MTHFD1L: variants seen among roughly 807,000 people sequenced by gnomAD.
The protein encoded by MTHFD1L is methylenetetrahydrofolate dehydrogenase (NADP+ dependent) 1 like.
MTHFD1L carries 81 observed loss-of-function variants against 119.5 expected under a neutral mutation model. The ratio of observed to expected loss-of-function variants is 0.68; its 90% CI spans 0.57 to 0.82. MTHFD1L has a LOEUF of 0.82. Ranked by LOEUF, MTHFD1L falls within the 40% of genes least tolerant of loss-of-function variation. MTHFD1L has a pLI of 0.00. For synonymous variants in MTHFD1L, 430 were observed against 475.2 expected (o/e 0.90, Z 1.24); for missense variants, 1,125 against 1,253.4 (o/e 0.90, Z 1.55).
At chr6:151,013,725 G>T in intron 21 of MTHFD1L, 54 bp from the exon 22 acceptor site, 1 of 1,467,008 alleles carries the variant, frequency 6.8e-7, no homozygotes. Flanking sequence ...TTTCAGATCG[G>T]TTGTGTAAGC....
In MTHFD1L at chr6:150,923,969, A is replaced by G. The variant is rs377453993; in HGVS notation, c.1082+1667A>G. 1.1e-4 allele frequency among the ~76,000 whole-genome samples: 16 copies of G among 152,310 alleles called. 1 individual carries two copies. In the East Asian group the frequency reaches 1.2e-3, roughly 11 times the overall value. ...ATAAGACCTTAGATTTTAAAAGTAA[A>G]TCAATAATTTCTACTTACAAAGTGC... On this transcript the variant is annotated intron_variant, in intron 10 of 27. Transcript: ENST00000367321.
intron 8 of MTHFD1L, among the ~76,000 whole-genome samples, chr6:150,917,463 C>G (rs1197825089): frequency 6.6e-6 from 1 of 151,738 alleles, no homozygotes; most frequent in Non-Finnish European, 1.5e-5. Context: ...GCACTCCAGC[C>G]TGGGTGACAG....
intron 20 of MTHFD1L, among the ~76,000 whole-genome samples, chr6:150,984,662 A>C (rs1249493016): frequency 6.6e-6 from 1 of 152,132 alleles, no homozygotes; most frequent in Non-Finnish European, 1.5e-5. Flanking sequence ...ACGTTTTTGA[A>C]CTTACACATA....
At chr6:150,903,203 ATTT>A (rs774695918) in intron 7 of MTHFD1L, among the ~76,000 whole-genome samples, 11 of 85,476 alleles carry the variant, frequency 1.3e-4, no homozygotes, top group African/African-American at 5.0e-4. Flanking sequence ...TGGCTGCAAA[ATTT>A]TTTTTTTTTT....
At chr6:150,889,070 G>A (rs1583395782) in intron 7 of MTHFD1L, among the ~76,000 whole-genome samples, 3 of 152,044 alleles carry the variant, frequency 2.0e-5, no homozygotes, top group South Asian at 2.1e-4. Context: ...CCAGCTACTC[G>A]GGAAGCTGAG....
intron 26 of MTHFD1L, among the ~76,000 whole-genome samples, chr6:151,055,530 T>G (rs9478931): frequency 0.37 from 55,942 of 150,430 alleles, 10,848 homozygotes; most frequent in East Asian, 0.56. Context: ...TCTTTTTTTT[T>G]TTTTTTTGTT....
intron 7 of MTHFD1L, among the ~76,000 whole-genome samples, chr6:150,891,049 G>A (rs1052382959): frequency 2.6e-5 from 4 of 152,160 alleles, no homozygotes; most frequent in Non-Finnish European, 4.4e-5. Context: ...GCAGTGGCGC[G>A]AACTCGGCTC....
In MTHFD1L at chr6:150,907,149, C is replaced by T. The variant is rs117012543; in HGVS notation, c.892+1388C>T. ...GCTGCTTTGCTGTAATATTTACTTG[C>T]TGTGTTTTATTAAAGTTTTCATGTA... On this transcript the variant is annotated intron_variant, in intron 8 of 27. Coordinates refer to ENST00000367321, the MANE Select transcript of MTHFD1L (RefSeq NM_015440.5). Among the ~76,000 whole-genome samples, 926 of 152,024 alleles carry T rather than the reference C, an allele frequency of 6.1e-3. 2 individuals carry two copies. The highest frequency in any genetic ancestry group is 9.8e-3 in the Non-Finnish European group (667 of 67,958).
intron 13 of MTHFD1L, among the ~76,000 whole-genome samples, chr6:150,939,702 T>TTTTTTTTTTG (rs1792751088): frequency 6.7e-6 from 1 of 149,020 alleles, no homozygotes. Flanking sequence ...TTTTTTTTTT[T>TTTTTTTTTTG]GAGACAGAGT....
chr6:151,069,956 T>C (rs1393335941), intron 26 of MTHFD1L, among the ~76,000 whole-genome samples: 3 of 152,212 alleles, frequency 2.0e-5, no homozygotes, highest in Non-Finnish European at 2.9e-5. Flanking sequence ...GCTGCTTTTA[T>C]GTTGACGCAG....
chr6:150,909,218 A>G (rs974822482), intron 8 of MTHFD1L, among the ~76,000 whole-genome samples: 5 of 152,068 alleles, frequency 3.3e-5, no homozygotes, highest in African/African-American at 9.7e-5. Context: ...AGATTTTAAA[A>G]CAAGGAAATT....
At chr6:151,051,466 G>A (rs1379439502) in intron 26 of MTHFD1L, among the ~76,000 whole-genome samples, 2 of 152,188 alleles carry the variant, frequency 1.3e-5, no homozygotes, top group African/African-American at 4.8e-5. Context: ...AGCATAGTCA[G>A]GGATAAGAGG....
chr6:151,030,643 T>G (rs1785219196), intron 24 of MTHFD1L, among the ~76,000 whole-genome samples: 1 of 152,252 alleles, frequency 6.6e-6, no homozygotes, highest in South Asian at 2.1e-4. Context: ...TCTTCTGCGC[T>G]GTTGCCTGCA....
intron 20 of MTHFD1L, among the ~76,000 whole-genome samples, chr6:151,009,073 G>A (rs1781828081): frequency 6.9e-6 from 1 of 144,476 alleles, no homozygotes; most frequent in Non-Finnish European, 1.5e-5. Flanking sequence ...AGTGAGCTGA[G>A]ATTGTGCCAT....
At chr6:150,933,029 G>A (rs895274624) in intron 11 of MTHFD1L, among the ~76,000 whole-genome samples, 6 of 152,140 alleles carry the variant, frequency 3.9e-5, no homozygotes, top group African/African-American at 1.4e-4. Flanking sequence ...ATACAGGAAG[G>A]AGGTGAAATA....
chr6:151,064,459 G>T (rs1791000149), intron 26 of MTHFD1L, among the ~76,000 whole-genome samples: 1 of 151,962 alleles, frequency 6.6e-6, no homozygotes, highest in African/African-American at 2.4e-5. Context: ...GATTACAGGT[G>T]CCTGCCACTG....
At chr6:150,916,737 CTTTTTTTTT>C (rs57961829) in intron 8 of MTHFD1L, among the ~76,000 whole-genome samples, 113 of 72,006 alleles carry the variant, frequency 1.6e-3, no homozygotes, top group Non-Finnish European at 2.4e-3. Context: ...GATTCTATCC[CTTTTTTTTT>C]TTTTTTTTTT....
chr6:150,988,681 A>G (rs1490917877), intron 20 of MTHFD1L, among the ~76,000 whole-genome samples: 3 of 152,198 alleles, frequency 2.0e-5, no homozygotes, highest in Non-Finnish European at 1.5e-5. Context: ...ATCTCGGCTC[A>G]CCACAACCTC....
intron 11 of MTHFD1L, among the ~76,000 whole-genome samples, chr6:150,932,161 C>CA (rs5880902): frequency 0.48 from 18,524 of 38,698 alleles, 5,498 homozygotes; most frequent in East Asian, 0.51. Context: ...GACTCCATCT[C>CA]AAAAAAAAAA....
Sources: gnomAD v4.1 joint callset for allele counts (sites outside exome capture counted in the v4.1 genomes callset) on GRCh38, gnomAD v4.1.1 for gene constraint, MANE v1.5 for transcripts, NCBI Gene and HGNC (gene_info 2026-07-23, HGNC 2026-07-21) for gene names.